The following EVC variants were observed in gnomAD, a reference collection of about 807,000 sequenced individuals.
EVC encodes evC complex member EVC.
EVC carries 116 observed loss-of-function variants against 118.9 expected under a neutral mutation model. The observed-to-expected ratio is 0.98, with a 90% confidence interval of 0.84 to 1.14. EVC has a LOEUF of 1.14. Ranked by LOEUF, EVC falls within the 50% of genes most tolerant of loss-of-function variation. The pLI is 0.00. For missense variants in EVC, 1,401 were observed against 1,246.4 expected (o/e 1.12, Z -1.87); for synonymous variants, 619 against 534.7 (o/e 1.16, Z -2.18).
chr4:5,757,381 A>G (rs1177524274), intron 11 of EVC, among the ~76,000 whole-genome samples: 2 of 152,174 alleles, frequency 1.3e-5, no homozygotes, highest in Non-Finnish European at 2.9e-5. Context: ...AAGCTCATGC[A>G]GTGGTGGGAA....
the EVC span, among the ~76,000 whole-genome samples, chr4:5,819,726 A>G: frequency 6.6e-6 from 1 of 152,166 alleles, no homozygotes; most frequent in Non-Finnish European, 1.5e-5. Flanking sequence ...GTTTCCCTTT[A>G]ATAGTCCAAA....
chr4:5,794,304 T>TATA (rs1491578320), intron 13 of EVC, among the ~76,000 whole-genome samples: 7,795 of 107,148 alleles, frequency 0.073, 326 homozygotes, highest in Non-Finnish European at 0.096. Flanking sequence ...TATATTTATA[T>TATA]TTTTATATAT....
Position 5,711,431 on chromosome 4 carries a change from G to T in EVC, c.51G>T (p.Gly17=). ...ACKSDARLLL[G]RDALRPAPAL... ...AGAGCGACGCGCGGCTGCTGCTGGG[G>T]CGGGACGCGCTGCGGCCGGCGCCCG... The change falls in exon 1 of 21, where the codon GGG becomes GGT. Residue 17 remains glycine (G), a synonymous_variant. Transcript: ENST00000264956. 1 of 1,024,240 alleles carries T rather than the reference G, an allele frequency of 9.8e-7. No individual in the cohort carries two copies. The highest frequency in any genetic ancestry group is 1.2e-6 in the Non-Finnish European group (1 of 858,284). The allele number at this position is 1,024,240 out of a possible 1,614,324, so 63.4% of individuals were successfully genotyped here. A position where few individuals can be genotyped will look rare whatever the true frequency, so the allele number is the denominator to read the frequency against.
intron 11 of EVC, among the ~76,000 whole-genome samples, chr4:5,760,581 T>G (rs1056213317): frequency 6.6e-5 from 10 of 152,262 alleles, no homozygotes; most frequent in Non-Finnish European, 1.2e-4. Flanking sequence ...AGACAGAGTT[T>G]AGCTCTAGTT....
chr4:5,802,862 G>A (rs971429125), intron 16 of EVC, among the ~76,000 whole-genome samples: 1 of 152,142 alleles, frequency 6.6e-6, no homozygotes, highest in African/African-American at 2.4e-5. Context: ...ACAGGCCAGG[G>A]ACCAGTACTA....
intron 2 of EVC, 146 bp from the exon 3 acceptor site, chr4:5,729,161 A>C: frequency 4.0e-6 from 3 of 743,340 alleles, no homozygotes; most frequent in Non-Finnish European, 4.9e-6. Flanking sequence ...CTGGCAAGGA[A>C]GAGCTAATAT....
chr4:5,774,114 C>T (rs1194493870), intron 11 of EVC, among the ~76,000 whole-genome samples: 4 of 151,838 alleles, frequency 2.6e-5, no homozygotes, highest in Non-Finnish European at 5.9e-5. Context: ...ATGGTGTTGG[C>T]CCCCTCACTA....
chr4:5,780,628 T>A (rs1162068679), intron 11 of EVC, among the ~76,000 whole-genome samples: 1 of 152,134 alleles, frequency 6.6e-6, no homozygotes, highest in African/African-American at 2.4e-5. Flanking sequence ...AATGCAAAGG[T>A]GGTAAGAAGA....
At position 5,762,986 on chromosome 4, in the gene EVC, C is replaced by G. The variant is rs28870105; in HGVS notation, c.1563+6624C>G. ...ACATGAAGTCCTTGCCCATGCCTAT[C>G]TCCTGAATGGTAATGCCTAGGTTTT... On this transcript the variant is annotated intron_variant, in intron 11 of 20. Transcript: ENST00000264956. Among the ~76,000 whole-genome samples, 17 of 93,342 alleles carry G rather than the reference C, an allele frequency of 1.8e-4. 2 individuals are homozygous for G. The highest frequency in any genetic ancestry group is 7.8e-4 in the South Asian group (2 of 2,560). The allele number at this position is 93,342 out of a possible 152,430, so 61.2% of individuals were successfully genotyped here. A position where few individuals can be genotyped will look rare whatever the true frequency, so the allele number is the denominator to read the frequency against.
Position 5,812,456 on chromosome 4 carries a change from CT to C in EVC, c.*1423del. 6.0e-6 allele frequency: 1 copy of C among 167,318 alleles called. No individual in the cohort carries two copies. Among genetic ancestry groups the C allele is most frequent in the Non-Finnish European group, 1.3e-5 (1 of 78,984 alleles). 10.4% of individuals were successfully genotyped at this position (167,318 alleles called of 1,614,324 possible). A position where few individuals can be genotyped will look rare whatever the true frequency, so the allele number is the denominator to read the frequency against. Reference sequence around the variant, plus strand: ...TCCTCACACCACAGCCAGGAGAGACCTTTTCTGCCTGGAGAGAAACTTTCAG... The same window carrying C: ...TCCTCACACCACAGCCAGGAGAGACCTTTCTGCCTGGAGAGAAACTTTCAG... On this transcript the variant is annotated 3_prime_UTR_variant, in exon 21 of 21. Transcript: ENST00000264956.
intron 11 of EVC, among the ~76,000 whole-genome samples, chr4:5,772,175 C>T (rs1292075107): frequency 2.6e-5 from 4 of 152,126 alleles, no homozygotes; most frequent in Non-Finnish European, 5.9e-5. Context: ...GGATTACAGG[C>T]GTGAGCCACC....
At chr4:5,802,242 C>A in intron 16 of EVC, 148 bp downstream of exon 16, 2 of 1,167,570 alleles carry the variant, frequency 1.7e-6, no homozygotes, top group Non-Finnish European at 2.4e-6. Context: ...CGTGCTTTGT[C>A]TCAAAAAGCC....
the EVC span, chr4:5,824,909 G>T: frequency 3.0e-6 from 3 of 985,386 alleles, no homozygotes; most frequent in Non-Finnish European, 3.6e-6. Flanking sequence ...AGTCAGGAGG[G>T]ATCAGGTCAA....
At chr4:5,783,314 G>A (rs1276117317) in intron 11 of EVC, among the ~76,000 whole-genome samples, 1 of 148,556 alleles carries the variant, frequency 6.7e-6, no homozygotes, top group Non-Finnish European at 1.5e-5. Context: ...GTGTCTGTGT[G>A]TACAAGTGTG....
At chr4:5,774,507 T>G (rs1180159644) in intron 11 of EVC, among the ~76,000 whole-genome samples, 1 of 152,052 alleles carries the variant, frequency 6.6e-6, no homozygotes, top group African/African-American at 2.4e-5. Flanking sequence ...CTTTGACAGA[T>G]AAGACTGAGC....
intron 16 of EVC, among the ~76,000 whole-genome samples, chr4:5,802,956 A>T (rs1244462482): frequency 1.3e-5 from 2 of 152,056 alleles, no homozygotes; most frequent in African/African-American, 4.8e-5. Flanking sequence ...TTCGTCTGTG[A>T]GCTTCCTGGT....
At chr4:5,808,008 G>A (rs533794033) in intron 17 of EVC, among the ~76,000 whole-genome samples, 193 bp from the exon 18 acceptor site, 2 of 152,326 alleles carry the variant, frequency 1.3e-5, no homozygotes, top group African/African-American at 4.8e-5. Context: ...TGTAAAGGGC[G>A]TCCACTTTGA....
chr4:5,725,563 A>C (rs1477395435), intron 2 of EVC, among the ~76,000 whole-genome samples: 7 of 152,040 alleles, frequency 4.6e-5, no homozygotes, highest in Admixed American at 3.3e-4. Flanking sequence ...CCACTTTTTA[A>C]TGGGGTTGTT....
chr4:5,734,324 T>C (rs1462074090), intron 5 of EVC, among the ~76,000 whole-genome samples: 2 of 152,120 alleles, frequency 1.3e-5, no homozygotes, highest in African/African-American at 4.8e-5. Context: ...AGGGCACTCT[T>C]ACAAACTGGA....
Sources: allele counts gnomAD v4.1 joint callset (sites outside exome capture counted in the v4.1 genomes callset), GRCh38; gene constraint gnomAD v4.1.1; transcripts MANE v1.5; gene names NCBI Gene and HGNC (gene_info 2026-07-23, HGNC 2026-07-21).